The following DIAPH3 variants were observed in gnomAD, a reference collection of about 807,000 sequenced individuals.
DIAPH3 encodes protein diaphanous homolog 3.
DIAPH3 carries 117 observed loss-of-function variants against 144.3 expected under a neutral mutation model. The observed-to-expected ratio is 0.81, with a 90% CI of 0.70 to 0.95. The LOEUF is 0.95. Among genes scored for constraint, DIAPH3 ranks in the 40% least tolerant of loss-of-function variants. DIAPH3 has a pLI of 0.00. For synonymous variants in DIAPH3, 519 were observed against 488.9 expected, an observed-to-expected ratio of 1.06 and a Z score of -0.81; for missense variants, 1,421 against 1,412.7, an observed-to-expected ratio of 1.01 and a Z score of -0.09.
chr13:60,051,483 G>T (rs900478474), intron 4 of DIAPH3, among the ~76,000 whole-genome samples: 2 of 152,122 alleles, frequency 1.3e-5, no homozygotes, highest in African/African-American at 4.8e-5. Flanking sequence ...AGCCAGGCGT[G>T]GTGGCACATG....
chr13:60,046,524 G>A (rs1033538080), intron 4 of DIAPH3, among the ~76,000 whole-genome samples: 1 of 152,206 alleles, frequency 6.6e-6, no homozygotes, highest in African/African-American at 2.4e-5. Context: ...CACTGTTGGT[G>A]AGAGTGTAAA....
In DIAPH3 at chr13:59,991,339, C is replaced by T. The variant is rs1277979099; in HGVS notation, c.1245-65G>A. 1.0e-5 allele frequency: 12 copies of T among 1,143,298 alleles called. No individual in the cohort carries two copies. In the Admixed American group the frequency reaches 1.4e-4, roughly 13 times the overall value. 70.8% of individuals were successfully genotyped at this position (1,143,298 alleles called of 1,614,324 possible). A position where few individuals can be genotyped will look rare whatever the true frequency, so the allele number is the denominator to read the frequency against. On this transcript the variant is annotated intron_variant, in intron 11 of 27. Transcript: ENST00000400324. ...ACACCAAACAACTATAATAATATGACAGAATTTGTCCTGTAAGGTTTTGGA... is the reference window on the plus strand; with the variant it reads ...ACACCAAACAACTATAATAATATGATAGAATTTGTCCTGTAAGGTTTTGGA...
chr13:60,126,938 G>A (rs990209360), intron 2 of DIAPH3, among the ~76,000 whole-genome samples: 1 of 151,642 alleles, frequency 6.6e-6, no homozygotes, highest in Admixed American at 6.6e-5. Context: ...TTAAATCAAT[G>A]ACTTAGAGTT....
At chr13:59,838,404 G>A (rs1245534835) in intron 23 of DIAPH3, 1 of 152,040 alleles carries the variant, frequency 6.6e-6, no homozygotes, top group Non-Finnish European at 1.5e-5. Context: ...ATATGTGTGT[G>A]TGTGTGTGTG....
intron 27 of DIAPH3, among the ~76,000 whole-genome samples, chr13:59,699,672 C>T (rs1315186708): frequency 6.6e-6 from 1 of 152,190 alleles, no homozygotes; most frequent in African/African-American, 2.4e-5. Flanking sequence ...AGTTTGGAAT[C>T]AGAGCCCACT....
intron 27 of DIAPH3, among the ~76,000 whole-genome samples, chr13:59,736,058 T>C (rs374386397): frequency 6.6e-6 from 1 of 152,216 alleles, no homozygotes; most frequent in Non-Finnish European, 1.5e-5. Context: ...TTTCTGTTAC[T>C]ATGTTAGTTT....
At chr13:59,802,641 T>A (rs1407312108) in intron 25 of DIAPH3, among the ~76,000 whole-genome samples, 1 of 131,012 alleles carries the variant, frequency 7.6e-6, no homozygotes, top group African/African-American at 2.8e-5. Flanking sequence ...GACTTATTGA[T>A]CTATATTATT....
chr13:59,678,692 GT>G (rs5803969), intron 27 of DIAPH3, among the ~76,000 whole-genome samples: 2,607 of 152,022 alleles, frequency 0.017, 78 homozygotes, highest in African/African-American at 0.06. Context: ...TTATTTTGTT[GT>G]TAAATTTTTC....
intron 27 of DIAPH3, among the ~76,000 whole-genome samples, chr13:59,686,423 G>GAA: frequency 6.6e-6 from 1 of 150,450 alleles, no homozygotes; most frequent in Non-Finnish European, 1.5e-5. Flanking sequence ...CTCAAAAGAG[G>GAA]AAAAAAAATT....
intron 2 of DIAPH3, among the ~76,000 whole-genome samples, chr13:60,131,769 T>C (rs2059149196): frequency 6.6e-6 from 1 of 152,228 alleles, no homozygotes; most frequent in Non-Finnish European, 1.5e-5. Context: ...AAATATATCA[T>C]TGTATATCAT....
chr13:59,971,076 G>A lies in DIAPH3; in HGVS notation c.1735C>T (p.Pro579Ser). 1 of 1,613,594 alleles carries A rather than the reference G, an allele frequency of 6.2e-7. No individual in the cohort carries two copies. Among genetic ancestry groups the A allele is most frequent in the South Asian group, 1.1e-5 (1 of 91,038 alleles). ...ACCCCTCCACCAGAAGGCAGTGGAG[G>A]CGGAGGAGGAAGTGCTGAGTGGCCA... ...GTGHSALPPP[P>S]PLPSGGGVPP... is the part of the protein sequence containing the mutation. The change falls in exon 16 of 28, where the codon CCT becomes TCT. Residue 579 changes from proline (P) to serine (S), a missense_variant. Transcript: ENST00000400324.
chr13:59,725,277 G>T (rs140583052), intron 27 of DIAPH3, among the ~76,000 whole-genome samples: 362 of 152,264 alleles, frequency 2.4e-3, no homozygotes, highest in African/African-American at 8.2e-3. Flanking sequence ...AGCATAGCTT[G>T]GCAAAATTTA....
intron 9 of DIAPH3, among the ~76,000 whole-genome samples, chr13:60,007,144 G>A (rs542898438): frequency 1.5e-4 from 23 of 151,750 alleles, no homozygotes; most frequent in Admixed American, 9.8e-4. Flanking sequence ...CACTGTCTCC[G>A]GGGTTCAAGT....
In DIAPH3 at chr13:59,869,282, A is replaced by G. The variant is rs369654174; in HGVS notation, c.2608-7746T>C. Among the ~76,000 whole-genome samples, 18 of 152,276 alleles carry G rather than the reference A, an allele frequency of 1.2e-4. No homozygotes were observed. The East Asian group carries it at 3.5e-3, about 29-fold the overall frequency. ...TGGTGTCTTATTGTTTGAGTTTGCA[A>G]TTCCTTAATGACATCTGCTGCTGAC... On this transcript the variant is annotated intron_variant, in intron 21 of 27. Coordinates refer to ENST00000400324, the MANE Select transcript of DIAPH3 (RefSeq NM_001042517.2).
At chr13:59,956,703 T>C (rs567381073) in intron 17 of DIAPH3, among the ~76,000 whole-genome samples, 46 of 152,238 alleles carry the variant, frequency 3.0e-4, no homozygotes, top group Admixed American at 2.0e-3. Context: ...CCCAGAATGG[T>C]AGATCCACTG....
intron 4 of DIAPH3, among the ~76,000 whole-genome samples, chr13:60,043,579 T>C (rs1044870309): frequency 2.0e-5 from 3 of 152,214 alleles, no homozygotes; most frequent in Non-Finnish European, 2.9e-5. Flanking sequence ...GATAGAGCAC[T>C]ACTATGCAAT....
chr13:59,748,891 T>C (rs1337173612), intron 27 of DIAPH3, among the ~76,000 whole-genome samples: 1 of 152,162 alleles, frequency 6.6e-6, no homozygotes, highest in African/African-American at 2.4e-5. Context: ...TTTAGAGCTC[T>C]TTCATCATGC....
chr13:59,903,711 T>A (rs1039224784), intron 20 of DIAPH3, among the ~76,000 whole-genome samples: 15 of 152,218 alleles, frequency 9.9e-5, no homozygotes, highest in African/African-American at 3.4e-4. Context: ...ATCTACAGAT[T>A]CATTTTTAAC....
rs1368804504 is a variant in DIAPH3 at position 59,666,089 on chromosome 13, ATGT to A, written c.*492_*494del. On this transcript the variant is annotated 3_prime_UTR_variant, in exon 28 of 28. Coordinates refer to ENST00000400324, the MANE Select transcript of DIAPH3 (RefSeq NM_001042517.2). ...TGATGTATTCAATTACATGTTTTTG[ATGT>A]TGTGCTGGTAGTATATAGATCCCAA... The A allele has an allele frequency of 6.5e-6, 1 of 154,250 alleles. No individual in the cohort carries two copies. The highest frequency in any genetic ancestry group is 1.4e-5 in the Non-Finnish European group (1 of 69,624). 9.6% of individuals were successfully genotyped at this position (154,250 alleles called of 1,614,324 possible).
Sources: allele counts gnomAD v4.1 joint callset (sites outside exome capture counted in the v4.1 genomes callset), GRCh38; gene constraint gnomAD v4.1.1; transcripts MANE v1.5; gene names NCBI Gene and HGNC (gene_info 2026-07-23, HGNC 2026-07-21).